Variants in ABCD2 observed in about 807,000 individuals in gnomAD.
The protein encoded by ABCD2 is ATP binding cassette subfamily D member 2.
In ABCD2, 36 loss-of-function variants were observed where a neutral mutation model predicts 70.9. The ratio of observed to expected loss-of-function variants is 0.51; its 90% confidence interval spans 0.39 to 0.67. ABCD2 has a LOEUF of 0.67. Among genes scored for constraint, ABCD2 ranks in the 30% least tolerant of loss-of-function variants. The pLI is 0.00. For missense variants in ABCD2, 729 were observed against 890.2 expected (o/e 0.82, Z 2.30); for synonymous variants, 304 against 306.9 (o/e 0.99, Z 0.10).
chr12:39,598,917 G>A (rs912456933), intron 6 of ABCD2, among the ~76,000 whole-genome samples: 1 of 152,036 alleles, frequency 6.6e-6, no homozygotes, highest in Non-Finnish European at 1.5e-5. Flanking sequence ...AAGGATAATG[G>A]TCCTATAAAA....
Position 39,617,109 on chromosome 12 carries a change from A to T in ABCD2, c.999T>A (p.Ile333=). The part of the protein sequence containing the change: ...YKALADQMNL[I]LSKRLWYIMI... The stretch of plus-strand genomic sequence containing the variant: ...TGATGTACCACAAACGTTTGGATAA[A>T]ATGAGGTTCATCTGATCTGCTAAAG... The change falls in exon 2 of 10, where the codon ATT becomes ATA. Residue 333 remains isoleucine, a synonymous_variant. Transcript: ENST00000308666. 6.2e-7 allele frequency: 1 copy of T among 1,612,484 alleles called. No individual in the cohort carries two copies. The highest frequency in any genetic ancestry group is 2.2e-5 in the East Asian group (1 of 44,808).
intron 2 of ABCD2, among the ~76,000 whole-genome samples, chr12:39,616,104 A>G (rs1200527190): frequency 6.6e-6 from 1 of 152,136 alleles, no homozygotes; most frequent in African/African-American, 2.4e-5. Flanking sequence ...AAGAGGGGGA[A>G]CCAAAAGTTG....
chr12:39,597,804 T>A (rs1387100385), intron 6 of ABCD2, among the ~76,000 whole-genome samples: 1 of 152,192 alleles, frequency 6.6e-6, no homozygotes, highest in African/African-American at 2.4e-5. Context: ...TGATCATATG[T>A]CATTAATAAA....
At position 39,551,554 on chromosome 12, in the gene ABCD2, A is replaced by G. The variant is rs1941087775; in HGVS notation, c.*2358T>C. ...CAAATCAGAGATGTTTTCCCTTCCA[A>G]GTTAAGGATGTTGGTCCTGAAAAAT... On this transcript the variant is annotated 3_prime_UTR_variant, in exon 10 of 10. Coordinates refer to ENST00000308666, the MANE Select transcript of ABCD2 (RefSeq NM_005164.4). 1 of 151,766 alleles carries G rather than the reference A, an allele frequency of 6.6e-6. No homozygotes were observed. The highest frequency in any genetic ancestry group is 1.5e-5 in the Non-Finnish European group (1 of 67,714). The allele number at this position is 151,766 out of a possible 1,614,324, so 9.4% of individuals were successfully genotyped here. A position where few individuals can be genotyped will look rare whatever the true frequency, so the allele number is the denominator to read the frequency against.
At chr12:39,554,224 A>G in intron 9 of ABCD2, 93 bp from the exon 10 acceptor site, 2 of 1,183,864 alleles carry the variant, frequency 1.7e-6, no homozygotes, top group Non-Finnish European at 2.3e-6. Context: ...CCCAAAGGCA[A>G]ATTTTAAGTA....
intron 7 of ABCD2, among the ~76,000 whole-genome samples, chr12:39,584,301 T>C (rs1941636628): frequency 2.0e-5 from 3 of 152,228 alleles, no homozygotes; most frequent in African/African-American, 7.2e-5. Flanking sequence ...GCTTGTTGGC[T>C]GCATGTATGT....
At position 39,619,538 on chromosome 12, in the gene ABCD2, C is replaced by G. The variant is rs754216406; in HGVS notation, c.78G>C (p.Leu26=). The part of the protein sequence containing the change: ...RSSAAKRAAC[L]VAAAYALKTL... Reference sequence around the variant, plus strand: ...TTTTCAGAGCATATGCCGCAGCCACCAGGCAGGCAGCCCTCTTAGCAGCAC... The same window carrying G: ...TTTTCAGAGCATATGCCGCAGCCACGAGGCAGGCAGCCCTCTTAGCAGCAC... Residue 26 remains leucine (L), a synonymous_variant, in exon 1 of 10, where the codon CTG becomes CTC. Coordinates refer to ENST00000308666, the MANE Select transcript of ABCD2 (RefSeq NM_005164.4). 11 of 1,611,574 alleles carry G rather than the reference C, an allele frequency of 6.8e-6. No individual in the cohort carries two copies. The highest frequency in any genetic ancestry group is 9.3e-6 in the Non-Finnish European group (11 of 1,180,004).
At chr12:39,566,606 A>G (rs139793434) in intron 9 of ABCD2, among the ~76,000 whole-genome samples, 1,709 of 152,058 alleles carry the variant, frequency 0.011, 26 homozygotes, top group African/African-American at 0.039. Flanking sequence ...ATTTTTTTGA[A>G]AGGTTTTTTG....
At position 39,553,096 on chromosome 12, in the gene ABCD2, T is replaced by C. The variant is rs1325572352; in HGVS notation, c.*816A>G. 2.0e-5 allele frequency: 3 copies of C among 151,984 alleles called. No homozygotes were observed. Among genetic ancestry groups the C allele is most frequent in the African/African-American group, 4.8e-5 (2 of 41,448 alleles). The allele number at this position is 151,984 out of a possible 1,614,324, so 9.4% of individuals were successfully genotyped here. A position where few individuals can be genotyped will look rare whatever the true frequency, so the allele number is the denominator to read the frequency against. ...CTTTATACCATTGCAGTTCTTAAAA[T>C]GTAGACTCATCCTTGGGCAAAAAAA... is the stretch of plus-strand genomic sequence containing the variant. On this transcript the variant is annotated 3_prime_UTR_variant, in exon 10 of 10. Transcript: ENST00000308666.
downstream of ABCD2, among the ~76,000 whole-genome samples, chr12:39,546,766 A>T (rs1050694875): frequency 6.6e-6 from 1 of 152,110 alleles, no homozygotes; most frequent in African/African-American, 2.4e-5. Flanking sequence ...AAAAAATTTT[A>T]AATGTCCTTG....
chr12:39,602,059 T>C (rs951889575), intron 5 of ABCD2, among the ~76,000 whole-genome samples: 1 of 151,656 alleles, frequency 6.6e-6, no homozygotes, highest in Non-Finnish European at 1.5e-5. Flanking sequence ...TAAAGGTCTC[T>C]GATGCTTAGA....
rs548652070 is a variant in ABCD2 at position 39,550,855 on chromosome 12, A to G, written c.*3057T>C. The stretch of plus-strand genomic sequence containing the variant: ...TCTCTGGACTTGGGTTTCAATGTGT[A>G]ACAGATTTTCCTAGACTCATTGAAT... On this transcript the variant is annotated 3_prime_UTR_variant, in exon 10 of 10. Coordinates refer to ENST00000308666, the MANE Select transcript of ABCD2 (RefSeq NM_005164.4). 4.0e-5 allele frequency: 6 copies of G among 151,806 alleles called. No individual in the cohort carries two copies. In the East Asian group the frequency reaches 1.2e-3, roughly 29 times the overall value. 9.4% of individuals were successfully genotyped at this position (151,806 alleles called of 1,614,324 possible).
At position 39,589,960 on chromosome 12, in the gene ABCD2, T is replaced by A. The variant is rs6581212; in HGVS notation, c.1647-3663A>T. 5.0e-3 allele frequency among the ~76,000 whole-genome samples: 767 copies of A among 152,300 alleles called. 4 individuals carry two copies. The highest frequency in any genetic ancestry group is 0.017 in the African/African-American group (714 of 41,576). On this transcript the variant is annotated intron_variant, in intron 6 of 9. Transcript: ENST00000308666. Reference sequence around the variant, plus strand: ...TAGGTTTTTATTAAAATAATGATTTTAAAATATTATTATAATGTTAAAGCC... The same window carrying A: ...TAGGTTTTTATTAAAATAATGATTTAAAAATATTATTATAATGTTAAAGCC...
intron 2 of ABCD2, among the ~76,000 whole-genome samples, chr12:39,613,385 C>CAAAAAAAA (rs71075064): frequency 3.4e-4 from 8 of 23,612 alleles, no homozygotes; most frequent in Non-Finnish European, 4.2e-4. Flanking sequence ...GACTCCGTCT[C>CAAAAAAAA]AAAAAAAAAA....
chr12:39,609,672 G>A (rs1048379040), intron 2 of ABCD2, among the ~76,000 whole-genome samples: 18 of 152,102 alleles, frequency 1.2e-4, no homozygotes, highest in Non-Finnish European at 2.9e-5. Context: ...GATAGCCATA[G>A]GCCCATTTTG....
chr12:39,538,319 G>A, the ABCD2 span, among the ~76,000 whole-genome samples: 1 of 151,854 alleles, frequency 6.6e-6, no homozygotes, highest in East Asian at 1.9e-4. Flanking sequence ...ACAGGTGCCT[G>A]CCACATGCCT....
chr12:39,577,650 T>G (rs1003657546), intron 8 of ABCD2, among the ~76,000 whole-genome samples: 1 of 152,182 alleles, frequency 6.6e-6, no homozygotes, highest in African/African-American at 2.4e-5. Flanking sequence ...AGGGAAACTT[T>G]GAATATGAAC....
chr12:39,591,665 T>C (rs1156310496), intron 6 of ABCD2, among the ~76,000 whole-genome samples: 2 of 152,142 alleles, frequency 1.3e-5, no homozygotes, highest in African/African-American at 2.4e-5. Context: ...TGAGCCAAGA[T>C]TGTGTCACTG....
intron 9 of ABCD2, among the ~76,000 whole-genome samples, chr12:39,568,080 T>C (rs1566542346): frequency 6.6e-6 from 1 of 152,034 alleles, no homozygotes; most frequent in African/African-American, 2.4e-5. Flanking sequence ...ATTTCAACTT[T>C]GGTGAATCTG....
Sources: gnomAD v4.1 joint callset for allele counts (sites outside exome capture counted in the v4.1 genomes callset) on GRCh38, gnomAD v4.1.1 for gene constraint, MANE v1.5 for transcripts, NCBI Gene and HGNC (gene_info 2026-07-23, HGNC 2026-07-21) for gene names.